RBM20: variants seen among roughly 807,000 people sequenced by gnomAD.
RBM20 encodes RNA binding motif protein 20.
RBM20 carries 51 observed loss-of-function variants against 110.1 expected under a neutral mutation model. The ratio of observed to expected loss-of-function variants is 0.46; its 90% CI spans 0.37 to 0.59. RBM20 has a LOEUF of 0.59. RBM20 is among the 20% of genes least tolerant of loss of function. The pLI is 0.00. For missense variants in RBM20, 1,512 were observed against 1,574.9 expected (o/e 0.96, Z 0.68); for synonymous variants, 589 against 618.2 (o/e 0.95, Z 0.70).
At chr10:110,834,824 G>A (rs916698109) in intron 13 of RBM20, among the ~76,000 whole-genome samples, 1 of 152,166 alleles carries the variant, frequency 6.6e-6, no homozygotes, top group African/African-American at 2.4e-5. Context: ...GAGAACCCCA[G>A]CTGGGGCCTC....
At chr10:110,810,579 C>A (rs1211436688) in intron 8 of RBM20, 117 bp downstream of exon 8, 3 of 646,216 alleles carry the variant, frequency 4.6e-6, no homozygotes, top group East Asian at 3.0e-5. Context: ...CCTACCCCAT[C>A]CATCTGCTTT....
chr10:110,742,141 C>G (rs1195312814), intron 1 of RBM20, among the ~76,000 whole-genome samples: 1 of 152,112 alleles, frequency 6.6e-6, no homozygotes, highest in Non-Finnish European at 1.5e-5. Flanking sequence ...CTAGGAGGAG[C>G]CTCAAAGTCC....
rs1232875708 is a variant in RBM20 at position 110,812,904 on chromosome 10, A to G, written c.2507A>G (p.Glu836Gly). The change falls in exon 9 of 14, where the codon GAA becomes GGA. Residue 836 changes from glutamate (E) to glycine (G), a missense_variant. Glu to Gly is a moderately conservative substitution (Grantham distance 98, BLOSUM62 -2). Transcript: ENST00000369519. ...NKTKRTDRDQ[E>G]GADDRKENTM... ...ACCAAGAGAACTGATAGAGACCAAGAAGGAGCTGATGATAGAAAAGAAAAC... is the reference window on the plus strand; with the variant it reads ...ACCAAGAGAACTGATAGAGACCAAGGAGGAGCTGATGATAGAAAAGAAAAC... 1 of 1,457,644 alleles carries G rather than the reference A, an allele frequency of 6.9e-7. No individual in the cohort carries two copies. Among genetic ancestry groups the G allele is most frequent in the African/African-American group, 1.4e-5 (1 of 69,910 alleles). The allele number at this position is 1,457,644 out of a possible 1,614,324, so 90.3% of individuals were successfully genotyped here. A position where few individuals can be genotyped will look rare whatever the true frequency, so the allele number is the denominator to read the frequency against.
chr10:110,647,802 A>G lies in RBM20; in HGVS notation c.191+3157A>G, dbSNP rs551098357. 2.0e-5 allele frequency among the ~76,000 whole-genome samples: 3 copies of G among 152,324 alleles called. No homozygotes were observed. The South Asian group carries it at 6.2e-4, about 32-fold the overall frequency. ...CTTTATTTATAAGAAGTTATTTATT[A>G]ACCTTGATGAACGTCAGAAATTTAA... On this transcript the variant is annotated intron_variant, in intron 1 of 13. Coordinates refer to ENST00000369519, the MANE Select transcript of RBM20 (RefSeq NM_001134363.3).
intron 1 of RBM20, among the ~76,000 whole-genome samples, chr10:110,662,537 C>G (rs923221259): frequency 1.2e-4 from 18 of 152,178 alleles, no homozygotes; most frequent in Non-Finnish European, 4.4e-5. Flanking sequence ...GAAAACTTGT[C>G]AGCATGTAAA....
At chr10:110,659,051 CT>C (rs1245497161) in intron 1 of RBM20, among the ~76,000 whole-genome samples, 2 of 152,202 alleles carry the variant, frequency 1.3e-5, no homozygotes, top group Non-Finnish European at 2.9e-5. Context: ...AGCAGAGCCC[CT>C]GGCACATAGT....
At chr10:110,806,627 A>T (rs1036435511) in intron 7 of RBM20, among the ~76,000 whole-genome samples, 1 of 152,226 alleles carries the variant, frequency 6.6e-6, no homozygotes, top group Non-Finnish European at 1.5e-5. Context: ...TTGGGTGGGG[A>T]CACAGAACCA....
intron 1 of RBM20, chr10:110,756,726 C>T (rs1298687690): frequency 6.6e-6 from 1 of 152,244 alleles, no homozygotes; most frequent in Non-Finnish European, 1.5e-5. Flanking sequence ...TTCTGGCTGT[C>T]ACCAGGTCTT....
chr10:110,677,695 A>T (rs1480965410), intron 1 of RBM20, among the ~76,000 whole-genome samples: 1 of 152,212 alleles, frequency 6.6e-6, no homozygotes. Context: ...TTTTGGGAAA[A>T]CTGGAGTGTT....
upstream of RBM20, chr10:110,644,295 C>T (rs1399665606): frequency 4.0e-6 from 2 of 495,590 alleles, no homozygotes; most frequent in African/African-American, 4.1e-5. The surrounding 1 kb of genome is among the most constrained non-coding windows in gnomAD (Gnocchi z 4.3). Flanking sequence ...GAGGCGGCGC[C>T]GCCAGGACTG....
chr10:110,666,018 G>GAGA (rs1195192167), intron 1 of RBM20, among the ~76,000 whole-genome samples: 1 of 95,670 alleles, frequency 1.0e-5, no homozygotes, highest in African/African-American at 3.6e-5. Flanking sequence ...AGAGAGAGAG[G>GAGA]GGAAGGAAGG....
intron 1 of RBM20, among the ~76,000 whole-genome samples, chr10:110,717,164 C>T (rs1275003532): frequency 1.3e-5 from 2 of 152,154 alleles, no homozygotes; most frequent in Non-Finnish European, 2.9e-5. Flanking sequence ...CTGCCTGCTT[C>T]ACTCTCTCTC....
At chr10:110,646,277 T>C (rs1239469488) in intron 1 of RBM20, among the ~76,000 whole-genome samples, 1 of 152,236 alleles carries the variant, frequency 6.6e-6, no homozygotes, top group Non-Finnish European at 1.5e-5. Flanking sequence ...GATTATGAAA[T>C]ACTGCCAGGT....
intron 12 of RBM20, among the ~76,000 whole-genome samples, chr10:110,826,144 G>C (rs1483345280): frequency 1.3e-5 from 2 of 152,168 alleles, no homozygotes; most frequent in Admixed American, 6.5e-5. Context: ...CTGCGACCTT[G>C]AGTGAGAGTT....
At chr10:110,787,664 C>T (rs1844436226) in intron 5 of RBM20, among the ~76,000 whole-genome samples, 1 of 152,206 alleles carries the variant, frequency 6.6e-6, no homozygotes, top group African/African-American at 2.4e-5. Flanking sequence ...TGTGTTGATT[C>T]TAATTAATTC....
At chr10:110,685,663 G>T (rs1862492427) in intron 1 of RBM20, among the ~76,000 whole-genome samples, 1 of 150,390 alleles carries the variant, frequency 6.6e-6, no homozygotes, top group South Asian at 2.2e-4. Flanking sequence ...TTGGTATATG[G>T]TATAGGTATT....
At chr10:110,661,938 G>A (rs138584975) in intron 1 of RBM20, among the ~76,000 whole-genome samples, 4,480 of 151,988 alleles carry the variant, frequency 0.029, 58 homozygotes, top group Admixed American at 0.049. Context: ...TTGAACCCAG[G>A]AGGCGGAAGC....
At chr10:110,704,925 C>A (rs571523878) in intron 1 of RBM20, among the ~76,000 whole-genome samples, 3 of 152,266 alleles carry the variant, frequency 2.0e-5, no homozygotes, top group African/African-American at 7.2e-5. Context: ...GAAGAAAAGC[C>A]ATTGATTTTT....
At chr10:110,741,880 C>T (rs1843729275) in intron 1 of RBM20, among the ~76,000 whole-genome samples, 5 of 152,150 alleles carry the variant, frequency 3.3e-5, no homozygotes, top group South Asian at 2.1e-4. Flanking sequence ...AGAATGCCCA[C>T]TTCCCACCCA....
Sources: allele counts gnomAD v4.1 joint callset (sites outside exome capture counted in the v4.1 genomes callset), GRCh38; gene constraint gnomAD v4.1.1; non-coding constraint Gnocchi (gnomAD v3.1); transcripts MANE v1.5; gene names NCBI Gene and HGNC (gene_info 2026-07-23, HGNC 2026-07-21).